Variants in FSCB observed in about 807,000 individuals in gnomAD.
The protein encoded by FSCB is fibrous sheath CABYR-binding protein.
For synonymous variants in FSCB, 331 were observed against 336.6 expected, an observed-to-expected ratio of 0.98 and a Z score of 0.18; for missense variants, 975 against 934.8, an observed-to-expected ratio of 1.04 and a Z score of -0.56.
In FSCB at chr14:44,504,840, T is replaced by C. The variant is rs1881024034; in HGVS notation, c.2148A>G (p.Lys716=). ...DVPAEEASVD[K]HSPPADLLLT... is the part of the protein sequence containing the mutation. ...GAAGCAAATCAGCTGGTGGGGAATG[T>C]TTGTCAACGGAGGCCTCTTCTGCAG... is the stretch of plus-strand genomic sequence containing the variant. Residue 716 remains lysine, a synonymous_variant, in exon 1 of 1, where the codon AAA becomes AAG. Transcript: ENST00000340446. 1 of 1,613,850 alleles carries C rather than the reference T, an allele frequency of 6.2e-7. No individual in the cohort carries two copies. Among genetic ancestry groups the C allele is most frequent in the Non-Finnish European group, 8.5e-7 (1 of 1,179,996 alleles).
Position 44,504,552 on chromosome 14 carries a change from A to T in FSCB, c.2436T>A (p.Ser812Arg). Residue 812 changes from serine (S) to arginine (R), a missense_variant, in exon 1 of 1, where the codon AGT becomes AGA. Transcript: ENST00000340446. ...GTTGTTTTAATTCTATATGAAAAAC[A>T]CTTTCTATTTCAAGAGTGGGAGCCT... is the stretch of plus-strand genomic sequence containing the variant. ...DGQAPTLEIE[S>R]VFHIELKQRP... 6.2e-7 allele frequency: 1 copy of T among 1,613,348 alleles called. No individual in the cohort carries two copies. Among genetic ancestry groups the T allele is most frequent in the Non-Finnish European group, 8.5e-7 (1 of 1,179,708 alleles).
In FSCB at chr14:44,507,031, G is replaced by A. The variant is rs374177028; in HGVS notation, c.-44C>T. The A allele has an allele frequency of 8.8e-5, 117 of 1,334,538 alleles. No homozygotes were observed. The highest frequency in any genetic ancestry group is 7.7e-4 in the East Asian group (33 of 42,942). The allele number at this position is 1,334,538 out of a possible 1,614,324, so 82.7% of individuals were successfully genotyped here. On this transcript the variant is annotated 5_prime_UTR_variant, in exon 1 of 1. Transcript: ENST00000340446. ...TCTCTTTCGAATTTCTTGCCTACAC[G>A]CTGAGATAGGCTGATTAGAGTCATC...
At position 44,504,635 on chromosome 14, in the gene FSCB, C is replaced by G. The variant is rs1881017093; in HGVS notation, c.2353G>C (p.Glu785Gln). Residue 785 changes from glutamate to glutamine, a missense_variant, in exon 1 of 1, where the codon GAA becomes CAA. Coordinates refer to ENST00000340446, the MANE Select transcript of FSCB (RefSeq NM_032135.4). ...ACAGAATTGATTTTTGAAACCTCTT[C>G]AAATTTTGCTTCACCTTCCAAAACA... ...SVVLEGEAKF[E>Q]EVSKINSVLK... 1 of 1,614,050 alleles carries G rather than the reference C, an allele frequency of 6.2e-7. No individual in the cohort carries two copies. Among genetic ancestry groups the G allele is most frequent in the Admixed American group, 1.7e-5 (1 of 60,010 alleles).
At chr14:44,505,186 GC>G in the FSCB span, 1 of 1,612,404 alleles carries the variant, frequency 6.2e-7, no homozygotes, top group Non-Finnish European at 8.5e-7. Flanking sequence ...TTCTGCAGAA[GC>G]CTCTGTAGCT....
Position 44,505,303 on chromosome 14 carries a change from G to A in FSCB, c.1685C>T (p.Pro562Leu). The A allele has an allele frequency of 1.9e-6, 3 of 1,613,144 alleles. No individual in the cohort carries two copies. Among genetic ancestry groups the A allele is most frequent in the Non-Finnish European group, 2.5e-6 (3 of 1,179,922 alleles). Residue 562 changes from proline to leucine, a missense_variant, in exon 1 of 1, where the codon CCA (proline) becomes CTA (leucine). Transcript: ENST00000340446. ...AEEAPAEVQS[P>L]SAKGVSIEEA... ...TTCTATAGAAACTCCCTTAGCTGAT[G>A]GAGACTGAACTTCAGCAGGAGCCTC...
Position 44,505,199 on chromosome 14 carries a change from C to T in FSCB, c.1789G>A (p.Ala597Thr). ...TCTTCTGCAGAAGCCTCTGTAGCTG[C>T]TAGAAGCTGAATTGCAGCAGAGGCC... ...EEASAAIQLL[A>T]ATEASAEEAP... The change falls in exon 1 of 1, where the codon GCA becomes ACA. Residue 597 changes from alanine (A) to threonine (T), a missense_variant. Physicochemically the swap from Ala to Thr is moderately conservative, Grantham distance 58. Transcript: ENST00000340446. 1 of 1,612,132 alleles carries T rather than the reference C, an allele frequency of 6.2e-7. No individual in the cohort carries two copies.
Position 44,504,252 on chromosome 14 carries a change from A to G in FSCB, c.*258T>C, listed in dbSNP as rs1881004359. The G allele has an allele frequency of 3.2e-6, 1 of 308,280 alleles. No homozygotes were observed. Among genetic ancestry groups the G allele is most frequent in the African/African-American group, 2.2e-5 (1 of 46,438 alleles). 19.1% of individuals were successfully genotyped at this position (308,280 alleles called of 1,614,324 possible). A position where few individuals can be genotyped will look rare whatever the true frequency, so the allele number is the denominator to read the frequency against. ...TGTCAACAAGTTTACTGTAGGAAGG[A>G]TATTTTAAGCAATTTTTTTCAATTA... On this transcript the variant is annotated 3_prime_UTR_variant, in exon 1 of 1. Coordinates refer to ENST00000340446, the MANE Select transcript of FSCB (RefSeq NM_032135.4).
chr14:44,505,060 G>C lies in FSCB; in HGVS notation c.1928C>G (p.Pro643Arg). ...AGCTGGTGGAGGCTGAACTTCAGCG[G>C]GGGCCTCCTCAGCTGGTGGAGGCTG... The part of the protein sequence containing the change: ...EVQPPPAEEA[P>R]AEVQPPPAEE... Residue 643 changes from proline to arginine, a missense_variant, in exon 1 of 1, where the codon CCC (proline) becomes CGC (arginine). By Grantham distance (103) the Pro-to-Arg change is moderately radical. Transcript: ENST00000340446. 1.8e-6 allele frequency: 1 copy of C among 559,386 alleles called. No homozygotes were observed. Among genetic ancestry groups the C allele is most frequent in the East Asian group, 3.0e-5 (1 of 33,414 alleles). The allele number at this position is 559,386 out of a possible 1,614,324, so 34.7% of individuals were successfully genotyped here.
In FSCB at chr14:44,504,534, T is replaced by A. The variant is rs750868335; in HGVS notation, c.2454A>T (p.Leu818Phe). ...ACTACAGTTCAGGAGGACGTTGTTT[T>A]AATTCTATATGAAAAACACTTTCTA... Reference protein sequence around the residue: ...LEIESVFHIELKQRPPEL With the variant: ...LEIESVFHIEFKQRPPEL Residue 818 changes from leucine to phenylalanine, a missense_variant, in exon 1 of 1, where the codon TTA becomes TTT. By Grantham distance (22) the Leu-to-Phe change is conservative. Coordinates refer to ENST00000340446, the MANE Select transcript of FSCB (RefSeq NM_032135.4). 1 of 1,611,736 alleles carries A rather than the reference T, an allele frequency of 6.2e-7. No individual in the cohort carries two copies. The highest frequency in any genetic ancestry group is 1.1e-5 in the South Asian group (1 of 90,782).
Position 44,506,461 on chromosome 14 carries a change from T to G in FSCB, c.527A>C (p.Lys176Thr), listed in dbSNP as rs757929406. Reference sequence around the variant, plus strand: ...ATGTTTCAGGGCATCTTCCTTTGACTTTGTAGAAGAACTATCTGGCCTGGA... The same window carrying G: ...ATGTTTCAGGGCATCTTCCTTTGACGTTGTAGAAGAACTATCTGGCCTGGA... The part of the protein sequence containing the change: ...VISRPDSSST[K>T]SKEDALKHKS... The change falls in exon 1 of 1, where the codon AAG becomes ACG. Residue 176 changes from lysine to threonine, a missense_variant. Lys to Thr is a moderately conservative substitution (Grantham distance 78, BLOSUM62 -1). Coordinates refer to ENST00000340446, the MANE Select transcript of FSCB (RefSeq NM_032135.4). 6.2e-7 allele frequency: 1 copy of G among 1,614,108 alleles called. No individual in the cohort carries two copies. The highest frequency in any genetic ancestry group is 1.3e-5 in the African/African-American group (1 of 74,944).
In FSCB at chr14:44,507,102, T is replaced by A; in HGVS notation, c.-115A>T. The A allele has an allele frequency of 1.2e-6, 1 of 850,016 alleles. No individual in the cohort carries two copies. Among genetic ancestry groups the A allele is most frequent in the Non-Finnish European group, 1.8e-6 (1 of 549,248 alleles). The allele number at this position is 850,016 out of a possible 1,614,324, so 52.7% of individuals were successfully genotyped here. A position where few individuals can be genotyped will look rare whatever the true frequency, so the allele number is the denominator to read the frequency against. On this transcript the variant is annotated 5_prime_UTR_variant, in exon 1 of 1. Transcript: ENST00000340446. ...GTAGTGATTTCAAACTTATTAATTT[T>A]CAAGTAATGACCAAAAATCACAAAC... is the stretch of plus-strand genomic sequence containing the variant.
At position 44,506,207 on chromosome 14, in the gene FSCB, A is replaced by C. The variant is rs1274282657; in HGVS notation, c.781T>G (p.Ser261Ala). 1 of 1,614,036 alleles carries C rather than the reference A, an allele frequency of 6.2e-7. No homozygotes were observed. Among genetic ancestry groups the C allele is most frequent in the African/African-American group, 1.3e-5 (1 of 74,904 alleles). The change falls in exon 1 of 1, where the codon TCA becomes GCA. Residue 261 changes from serine (S) to alanine (A), a missense_variant. Physicochemically the swap from Ser to Ala is moderately conservative, Grantham distance 99 (BLOSUM62 1). Coordinates refer to ENST00000340446, the MANE Select transcript of FSCB (RefSeq NM_032135.4). ...ATTTTAGCTGGGAATTTTTCTGTTG[A>C]TGGAGGCTCTATTTCAGCAGAAGCC... ...KVASAEIEPP[S>A]TEKFPAKIQP...
At position 44,506,192 on chromosome 14, in the gene FSCB, G is replaced by T. The variant is rs550652858; in HGVS notation, c.796C>A (p.Pro266Thr). 11 of 1,614,156 alleles carry T rather than the reference G, an allele frequency of 6.8e-6. No individual in the cohort carries two copies. The East Asian group carries it at 2.5e-4, about 36-fold the overall frequency. Residue 266 changes from proline to threonine, a missense_variant, in exon 1 of 1, where the codon CCA becomes ACA. Pro to Thr is a conservative substitution (Grantham distance 38). Coordinates refer to ENST00000340446, the MANE Select transcript of FSCB (RefSeq NM_032135.4). ...EIEPPSTEKF[P>T]AKIQPPLVEE... ...ACTAATGGAGGCTGTATTTTAGCTG[G>T]GAATTTTTCTGTTGATGGAGGCTCT...
Position 44,504,332 on chromosome 14 carries a change from C to A in FSCB, c.*178G>T. On this transcript the variant is annotated 3_prime_UTR_variant, in exon 1 of 1. Coordinates refer to ENST00000340446, the MANE Select transcript of FSCB (RefSeq NM_032135.4). The stretch of plus-strand genomic sequence containing the variant: ...ATGCCATAAATTTGAATGAAATTAA[C>A]ACAAGTAATTTTATGCTGCTACAGT... 4.4e-6 allele frequency: 2 copies of A among 454,724 alleles called. No individual in the cohort carries two copies. The highest frequency in any genetic ancestry group is 6.9e-5 in the South Asian group (1 of 14,490). 28.2% of individuals were successfully genotyped at this position (454,724 alleles called of 1,614,324 possible).
chr14:44,504,247 G>A lies in FSCB; in HGVS notation c.*263C>T. On this transcript the variant is annotated 3_prime_UTR_variant, in exon 1 of 1. Transcript: ENST00000340446. ...ACTCGTGTCAACAAGTTTACTGTAGGAAGGATATTTTAAGCAATTTTTTTC... is the reference window on the plus strand; with the variant it reads ...ACTCGTGTCAACAAGTTTACTGTAGAAAGGATATTTTAAGCAATTTTTTTC... 3.4e-6 allele frequency: 1 copy of A among 294,402 alleles called. No homozygotes were observed. The highest frequency in any genetic ancestry group is 6.2e-5 in the East Asian group (1 of 16,220). 18.2% of individuals were successfully genotyped at this position (294,402 alleles called of 1,614,324 possible).
the FSCB span, chr14:44,506,738 C>CT: frequency 6.2e-7 from 1 of 1,614,154 alleles, no homozygotes; most frequent in Non-Finnish European, 8.5e-7. Flanking sequence ...AACTTGACTT[C>CT]TTTTTTCTCT....
rs1566598095 is a variant in FSCB at position 44,504,953 on chromosome 14, G to A, written c.2035C>T (p.Pro679Ser). ...GCTGGTAGAGACTGAACTTCAGCAG[G>A]GGCCTCCTCAGCTGGTGGAGGCTGA... is the stretch of plus-strand genomic sequence containing the variant. Reference protein sequence around the residue: ...EVQPPPAEEAPAEVQSLPAEE... With the variant: ...EVQPPPAEEASAEVQSLPAEE... Residue 679 changes from proline to serine, a missense_variant, in exon 1 of 1, where the codon CCT (proline) becomes TCT (serine). Transcript: ENST00000340446. 6.2e-7 allele frequency: 1 copy of A among 1,604,700 alleles called. No homozygotes were observed. Among genetic ancestry groups the A allele is most frequent in the Non-Finnish European group, 8.5e-7 (1 of 1,178,020 alleles).
rs1301085556 is a variant in FSCB at position 44,504,668 on chromosome 14, C to T, written c.2320G>A (p.Gly774Arg). 2 of 1,614,032 alleles carry T rather than the reference C, an allele frequency of 1.2e-6. No individual in the cohort carries two copies. The highest frequency in any genetic ancestry group is 2.7e-5 in the African/African-American group (2 of 74,922). Reference sequence around the variant, plus strand: ...GCTTCACCTTCCAAAACAACCGATCCTAATTTTACTGCTGGAATTCCTGCC... The same window carrying T: ...GCTTCACCTTCCAAAACAACCGATCTTAATTTTACTGCTGGAATTCCTGCC... The part of the protein sequence containing the change: ...QVAGIPAVKL[G>R]SVVLEGEAKF... Residue 774 changes from glycine to arginine, a missense_variant, in exon 1 of 1, where the codon GGA (glycine) becomes AGA (arginine). By Grantham distance (125) the Gly-to-Arg change is moderately radical (BLOSUM62 -2). Coordinates refer to ENST00000340446, the MANE Select transcript of FSCB (RefSeq NM_032135.4).
In FSCB at chr14:44,504,712, T is replaced by C; in HGVS notation, c.2276A>G (p.Glu759Gly). Residue 759 changes from glutamate to glycine, a missense_variant, in exon 1 of 1, where the codon GAA (glutamate) becomes GGA (glycine). Transcript: ENST00000340446. The part of the protein sequence containing the change: ...DEALVENVST[E>G]FQSPQVAGIP... ...TCCTGCCACCTGCGGTGACTGAAAT[T>C]CTGTAGACACATTCTCTACCAGAGC... is the stretch of plus-strand genomic sequence containing the variant. 2 of 1,614,156 alleles carry C rather than the reference T, an allele frequency of 1.2e-6. No homozygotes were observed. The highest frequency in any genetic ancestry group is 1.7e-6 in the Non-Finnish European group (2 of 1,180,042).
Sources: gnomAD v4.1 joint callset for allele counts on GRCh38, gnomAD v4.1.1 for gene constraint, MANE v1.5 for transcripts, NCBI Gene and HGNC (gene_info 2026-07-23, HGNC 2026-07-21) for gene names.